RPH3A: variants seen among roughly 807,000 people sequenced by gnomAD.
RPH3A encodes the protein rabphilin 3A.
Under a neutral mutation model 102.2 loss-of-function variants are expected in RPH3A, and 48 were observed. The ratio of observed to expected loss-of-function variants is 0.47; its 90% CI spans 0.37 to 0.60. The LOEUF (loss-of-function observed/expected upper bound fraction) is 0.60, where lower values mean the gene tolerates loss of function less well. RPH3A is among the 20% of genes least tolerant of loss of function. The pLI is 0.00. For missense variants in RPH3A, 781 were observed against 910.1 expected, an observed-to-expected ratio of 0.86 and a Z score of 1.83; for synonymous variants, 310 against 324.3, an observed-to-expected ratio of 0.96 and a Z score of 0.47.
chr12:112,783,383 T>C (rs537551656), intron 1 of RPH3A, among the ~76,000 whole-genome samples: 1 of 152,108 alleles, frequency 6.6e-6, no homozygotes, highest in South Asian at 2.1e-4. Flanking sequence ...CCACCTCACA[T>C]GCATAATAGA....
Position 112,881,626 on chromosome 12 carries a change from G to T in RPH3A, c.1252-146G>T. On this transcript the variant is annotated intron_variant, in intron 14 of 21. Coordinates refer to ENST00000389385, the MANE Select transcript of RPH3A (RefSeq NM_001143854.2). ...ATCCCAGTACTCTTTCCATGATACT[G>T]CATTTCCCTTCTCTCTCTTTGGAGG... 5.3e-6 allele frequency: 3 copies of T among 563,068 alleles called. No individual in the cohort carries two copies. In the South Asian group the frequency reaches 8.5e-5, roughly 16 times the overall value. 34.9% of individuals were successfully genotyped at this position (563,068 alleles called of 1,614,324 possible). A position where few individuals can be genotyped will look rare whatever the true frequency, so the allele number is the denominator to read the frequency against.
intron 1 of RPH3A, among the ~76,000 whole-genome samples, chr12:112,724,807 A>G (rs1238250049): frequency 6.6e-6 from 1 of 152,108 alleles, no homozygotes; most frequent in Non-Finnish European, 1.5e-5. Context: ...TGTCTCTACT[A>G]AAAATACAAA....
At chr12:112,802,612 T>C (rs2041375883) in intron 2 of RPH3A, among the ~76,000 whole-genome samples, 1 of 151,616 alleles carries the variant, frequency 6.6e-6, no homozygotes, top group African/African-American at 2.4e-5. Flanking sequence ...TGTGTGTGAG[T>C]GGTGTGTGTG....
chr12:112,882,230 G>A (rs113907034), intron 15 of RPH3A, among the ~76,000 whole-genome samples: 2 of 152,142 alleles, frequency 1.3e-5, no homozygotes, highest in African/African-American at 4.8e-5. Context: ...GAAATGAGTG[G>A]CTCTCTCCAA....
At chr12:112,621,172 G>C (rs117189588) in intron 1 of RPH3A, among the ~76,000 whole-genome samples, 1 of 152,016 alleles carries the variant, frequency 6.6e-6, no homozygotes, top group Non-Finnish European at 1.5e-5. Context: ...TGTTTACTGA[G>C]CAGCTACTTA....
chr12:112,609,652 TG>T, intron 1 of RPH3A, among the ~76,000 whole-genome samples: 1 of 152,190 alleles, frequency 6.6e-6, no homozygotes, highest in Non-Finnish European at 1.5e-5. Context: ...AGACTGGATT[TG>T]GTCTGTTTGT....
intron 5 of RPH3A, chr12:112,850,802 T>C (rs2042310567): frequency 6.6e-6 from 1 of 152,158 alleles, no homozygotes; most frequent in South Asian, 2.1e-4. Context: ...CTGCAGAACA[T>C]GAGGATCTCA....
intron 1 of RPH3A, among the ~76,000 whole-genome samples, chr12:112,621,438 A>G: frequency 6.7e-6 from 1 of 148,920 alleles, no homozygotes; most frequent in Non-Finnish European, 1.5e-5. Flanking sequence ...AGTCAAAGAA[A>G]GGGGTGACGG....
chr12:112,761,349 G>A (rs897771001), intron 1 of RPH3A, among the ~76,000 whole-genome samples: 1 of 152,150 alleles, frequency 6.6e-6, no homozygotes, highest in Non-Finnish European at 1.5e-5. Flanking sequence ...CTAAGAGTAT[G>A]AGGGAATGTA....
chr12:112,591,749 ACTC>A (rs2039480664), intron 1 of RPH3A: 1 of 151,790 alleles, frequency 6.6e-6, no homozygotes, highest in South Asian at 2.1e-4. Flanking sequence ...ACTCAGTAGA[ACTC>A]CTCACCTGCC....
At chr12:112,605,627 C>T (rs2039590845) in intron 1 of RPH3A, among the ~76,000 whole-genome samples, 1 of 152,190 alleles carries the variant, frequency 6.6e-6, no homozygotes. Flanking sequence ...CCCTAGCCTG[C>T]AAGCCTTTTT....
At position 112,681,919 on chromosome 12, in the gene RPH3A, C is replaced by G. The variant is rs372726550; in HGVS notation, c.-140+106600C>G. 1.4e-4 allele frequency among the ~76,000 whole-genome samples: 21 copies of G among 152,336 alleles called. No individual in the cohort carries two copies. In the South Asian group the frequency reaches 2.9e-3, roughly 21 times the overall value. ...ACATTTTTTAGCATGGCTTGCAAAG[C>G]TTTAGAAACTCTAGACCTTGACATC... On this transcript the variant is annotated intron_variant, in intron 1 of 21. Transcript: ENST00000543106.
chr12:112,747,342 C>T (rs951872448), intron 1 of RPH3A, among the ~76,000 whole-genome samples: 9 of 152,130 alleles, frequency 5.9e-5, no homozygotes, highest in African/African-American at 1.7e-4. Flanking sequence ...AGTGAAAAGA[C>T]GGCCATTTAT....
At chr12:112,823,218 C>T (rs2041810980) in intron 2 of RPH3A, among the ~76,000 whole-genome samples, 1 of 152,218 alleles carries the variant, frequency 6.6e-6, no homozygotes, top group Non-Finnish European at 1.5e-5. Flanking sequence ...CAGAACCCAA[C>T]AATCCAAAGC....
intron 1 of RPH3A, among the ~76,000 whole-genome samples, chr12:112,710,904 A>T (rs1006049843): frequency 2.6e-5 from 4 of 152,106 alleles, no homozygotes; most frequent in African/African-American, 9.7e-5. Flanking sequence ...CACCTAGCAC[A>T]TAGTAGGTGC....
At chr12:112,649,899 C>G (rs557564118) in intron 1 of RPH3A, among the ~76,000 whole-genome samples, 1 of 152,188 alleles carries the variant, frequency 6.6e-6, no homozygotes, top group Non-Finnish European at 1.5e-5. Context: ...ACATCCCTAG[C>G]GTCTCTTCCT....
chr12:112,595,003 G>A (rs545446077), intron 1 of RPH3A, among the ~76,000 whole-genome samples: 2 of 152,292 alleles, frequency 1.3e-5, no homozygotes, highest in South Asian at 2.1e-4. Context: ...CTCTTATGAA[G>A]GAGTCCACAG....
At chr12:112,890,397 G>T (rs2043073355) in intron 18 of RPH3A, among the ~76,000 whole-genome samples, 1 of 152,184 alleles carries the variant, frequency 6.6e-6, no homozygotes, top group African/African-American at 2.4e-5. Context: ...CATTCTTTGA[G>T]CTGTGTGCAT....
chr12:112,774,885 T>C (rs1418655808), intron 1 of RPH3A, among the ~76,000 whole-genome samples: 1 of 152,092 alleles, frequency 6.6e-6, no homozygotes, highest in African/African-American at 2.4e-5. Flanking sequence ...GATGGGATGA[T>C]CTGTGCAGCA....
Sources: gnomAD v4.1 joint callset for allele counts (sites outside exome capture counted in the v4.1 genomes callset) on GRCh38, gnomAD v4.1.1 for gene constraint, MANE v1.5 for transcripts, NCBI Gene and HGNC (gene_info 2026-07-23, HGNC 2026-07-21) for gene names.